FRMD6: variants seen among roughly 807,000 people sequenced by gnomAD.
FRMD6 encodes FERM domain-containing protein 6.
Under a neutral mutation model 73.2 loss-of-function variants are expected in FRMD6, and 37 were observed. The ratio of observed to expected loss-of-function variants is 0.51; its 90% CI spans 0.39 to 0.66. FRMD6 has a LOEUF of 0.66. FRMD6 is among the 30% of genes least tolerant of loss of function. The pLI is 0.00. For synonymous variants in FRMD6, 273 were observed against 282.2 expected (o/e 0.97, Z 0.33); for missense variants, 714 against 780.5 (o/e 0.91, Z 1.02).
At chr14:51,721,515 C>T (rs1897564311) in intron 11 of FRMD6, among the ~76,000 whole-genome samples, 1 of 152,008 alleles carries the variant, frequency 6.6e-6, no homozygotes, top group African/African-American at 2.4e-5. Flanking sequence ...GAGGCTGAGG[C>T]AGGAGAATCG....
intron 2 of FRMD6, among the ~76,000 whole-genome samples, chr14:51,631,943 C>T (rs903453120): frequency 1.4e-4 from 21 of 152,194 alleles, no homozygotes; most frequent in Non-Finnish European, 2.8e-4. Context: ...CCAAACTATG[C>T]TCCAAGTGAT....
chr14:51,691,545 T>C (rs1034721661), intron 2 of FRMD6, among the ~76,000 whole-genome samples: 4 of 151,814 alleles, frequency 2.6e-5, no homozygotes, highest in African/African-American at 9.7e-5. Flanking sequence ...TTGAATTAGT[T>C]TCCTATATGT....
At chr14:51,705,007 A>C in intron 6 of FRMD6, 72 bp downstream of exon 6, 1 of 1,347,682 alleles carries the variant, frequency 7.4e-7, no homozygotes, top group Non-Finnish European at 1.0e-6. Flanking sequence ...TGCTACTCAT[A>C]CTCTTTAAGA....
the FRMD6 span, among the ~76,000 whole-genome samples, chr14:51,480,968 T>C: frequency 6.6e-6 from 1 of 152,196 alleles, no homozygotes; most frequent in Non-Finnish European, 1.5e-5. Context: ...CTAAAAGATA[T>C]GCTGAAAGCA....
intron 1 of FRMD6, among the ~76,000 whole-genome samples, chr14:51,494,619 G>A (rs1478760439): frequency 6.6e-6 from 1 of 152,222 alleles, no homozygotes; most frequent in Admixed American, 6.5e-5. Flanking sequence ...GTTCTTTGGG[G>A]CTGAAATGCA....
At chr14:51,654,767 C>T (rs1367148466) in intron 1 of FRMD6, among the ~76,000 whole-genome samples, 3 of 152,054 alleles carry the variant, frequency 2.0e-5, no homozygotes, top group Admixed American at 6.6e-5. Flanking sequence ...CACAAATTAT[C>T]CCTTAGGTAG....
upstream of FRMD6, among the ~76,000 whole-genome samples, chr14:51,488,771 AC>A (rs1882840669): frequency 6.6e-6 from 1 of 152,240 alleles, no homozygotes; most frequent in African/African-American, 2.4e-5. Flanking sequence ...TCAAAGCTTG[AC>A]AAAGTGTAGC....
chr14:51,610,970 T>C (rs1055413377), intron 2 of FRMD6, among the ~76,000 whole-genome samples: 4 of 152,212 alleles, frequency 2.6e-5, no homozygotes, highest in African/African-American at 7.2e-5. Flanking sequence ...CTTGCTTAAA[T>C]ACAGGCATAA....
At chr14:51,423,493 C>T in the FRMD6 span, among the ~76,000 whole-genome samples, 1 of 152,208 alleles carries the variant, frequency 6.6e-6, no homozygotes, top group Non-Finnish European at 1.5e-5. Flanking sequence ...TGCCTTGGGA[C>T]AGGAACTGAG....
the FRMD6 span, among the ~76,000 whole-genome samples, chr14:51,441,426 C>T: frequency 6.6e-6 from 1 of 152,234 alleles, no homozygotes; most frequent in African/African-American, 2.4e-5. Flanking sequence ...TGCTTAGCAT[C>T]CAATCCTCAG....
At chr14:51,583,218 T>G (rs1044090451) in intron 2 of FRMD6, among the ~76,000 whole-genome samples, 5 of 152,148 alleles carry the variant, frequency 3.3e-5, no homozygotes, top group African/African-American at 1.2e-4. Context: ...GTGTCATAAT[T>G]CTCTTTATTT....
chr14:51,407,542 A>C, the FRMD6 span, among the ~76,000 whole-genome samples: 2 of 151,840 alleles, frequency 1.3e-5, no homozygotes, highest in African/African-American at 4.8e-5. Context: ...ATGGGTATAG[A>C]ATCATTTAAC....
intron 2 of FRMD6, among the ~76,000 whole-genome samples, chr14:51,590,060 CT>C (rs1889297325): frequency 1.4e-5 from 1 of 71,462 alleles, no homozygotes; most frequent in East Asian, 4.0e-4. Context: ...AAGAGCGAAA[CT>C]CAAAAAAAAA....
intron 1 of FRMD6, among the ~76,000 whole-genome samples, chr14:51,553,649 G>A (rs147409153): frequency 1.3e-3 from 198 of 152,270 alleles, no homozygotes; most frequent in African/African-American, 4.6e-3. Context: ...CCTAGAGGTA[G>A]GAAAGGGATC....
intron 1 of FRMD6, chr14:51,565,363 C>CT (rs1414788565): frequency 1.3e-5 from 2 of 152,238 alleles, no homozygotes; most frequent in African/African-American, 4.8e-5. Context: ...TAGTTGAGCT[C>CT]TATTAAGCTT....
intron 1 of FRMD6, among the ~76,000 whole-genome samples, chr14:51,550,586 C>CCT (rs1555374781): frequency 6.6e-6 from 1 of 150,944 alleles, no homozygotes; most frequent in Non-Finnish European, 1.5e-5. Flanking sequence ...GGAGACCCCC[C>CCT]CGCCATGCTT....
At chr14:51,714,166 C>G (rs1255912235) in intron 9 of FRMD6, 1 of 152,134 alleles carries the variant, frequency 6.6e-6, no homozygotes, top group Non-Finnish European at 1.5e-5. Context: ...TGGTTTCATT[C>G]TAAAATGTAG....
the FRMD6 span, among the ~76,000 whole-genome samples, chr14:51,433,772 T>C: frequency 1.3e-5 from 2 of 152,202 alleles, no homozygotes; most frequent in African/African-American, 4.8e-5. Flanking sequence ...TAGCGCTGAC[T>C]CTTAGAACTA....
At chr14:51,529,437 A>C (rs1885454387) in intron 1 of FRMD6, among the ~76,000 whole-genome samples, 1 of 152,228 alleles carries the variant, frequency 6.6e-6, no homozygotes, top group African/African-American at 2.4e-5. Flanking sequence ...TTGCTAATTA[A>C]AAATACATAA....
Sources: allele counts gnomAD v4.1 joint callset (sites outside exome capture counted in the v4.1 genomes callset), GRCh38; gene constraint gnomAD v4.1.1; transcripts MANE v1.5; gene names NCBI Gene and HGNC (gene_info 2026-07-23, HGNC 2026-07-21).